Variants in BATF3 observed in about 807,000 individuals in gnomAD.
The protein encoded by BATF3 is basic leucine zipper ATF-like transcription factor 3, also known as basic leucine zipper transcriptional factor ATF-like 3.
In BATF3, 8 loss-of-function variants were observed where a neutral mutation model predicts 16.1. The ratio of observed to expected loss-of-function variants is 0.50; its 90% confidence interval spans 0.29 to 0.90. The LOEUF is 0.90. BATF3 is among the 40% of genes least tolerant of loss of function. The pLI, the probability that BATF3 is intolerant of heterozygous loss-of-function variation, is 0.08. For synonymous variants in BATF3, 74 were observed against 72.7 expected (o/e 1.02, Z -0.09); for missense variants, 139 against 167.0 (o/e 0.83, Z 0.92).
At chr1:212,688,099 A>G (rs1439008593) in intron 2 of BATF3, among the ~76,000 whole-genome samples, 3 of 152,044 alleles carry the variant, frequency 2.0e-5, no homozygotes, top group Non-Finnish European at 4.4e-5. Flanking sequence ...CTTTGTACTG[A>G]TCCAAACACT....
At position 212,687,996 on chromosome 1, in the gene BATF3, A is replaced by AAAGGAAGG. The variant is rs150731119; in HGVS notation, c.196-1025_196-1018dup. 1.2e-3 allele frequency among the ~76,000 whole-genome samples: 121 copies of AAAGGAAGG among 101,326 alleles called. 1 individual carries two copies. In the East Asian group the frequency reaches 0.012, roughly 10 times the overall value. 66.5% of individuals were successfully genotyped at this position (101,326 alleles called of 152,430 possible). A position where few individuals can be genotyped will look rare whatever the true frequency, so the allele number is the denominator to read the frequency against. ...GAAAGAAAGAAAGAAAGAAAGAAAG[A>AAAGGAAGG]AAGGAAGGAAGGAAGGAAGGAAGGA... On this transcript the variant is annotated intron_variant, in intron 2 of 2. Transcript: ENST00000243440.
chr1:212,688,901 G>C (rs901176232), intron 2 of BATF3, among the ~76,000 whole-genome samples: 1 of 152,128 alleles, frequency 6.6e-6, no homozygotes, highest in African/African-American at 2.4e-5. Context: ...AATTTTAAGG[G>C]AGTATCACTA....
chr1:212,691,869 C>T (rs1251075773), intron 2 of BATF3, among the ~76,000 whole-genome samples: 1 of 152,222 alleles, frequency 6.6e-6, no homozygotes, highest in African/African-American at 2.4e-5. Flanking sequence ...TCTCATTTGT[C>T]AGTGTGGACT....
chr1:212,688,065 GA>G (rs66526753), intron 2 of BATF3, among the ~76,000 whole-genome samples: 28,758 of 139,800 alleles, frequency 0.21, 2,982 homozygotes, highest in East Asian at 0.25. Context: ...AGAGAGAAAA[GA>G]AAAAAAAAAA....
At chr1:212,695,599 T>C (rs1449537522) in intron 2 of BATF3, among the ~76,000 whole-genome samples, 1 of 150,266 alleles carries the variant, frequency 6.7e-6, no homozygotes, top group Non-Finnish European at 1.5e-5. Context: ...GCCATGATCA[T>C]GCCATCACAC....
rs553928059 is a variant in BATF3, at chr1:212,698,868, G to A, written c.90+805C>T. On this transcript the variant is annotated intron_variant, in intron 1 of 2. Coordinates refer to ENST00000243440, the MANE Select transcript of BATF3 (RefSeq NM_018664.3). ...TGTTACTATATTCATTTTACAGATGGGGAAATGGACGGTCCGAGAGGTTAA... is the reference window on the plus strand; with the variant it reads ...TGTTACTATATTCATTTTACAGATGAGGAAATGGACGGTCCGAGAGGTTAA... 3.3e-5 allele frequency: 5 copies of A among 152,382 alleles called. No individual in the cohort carries two copies. In the East Asian group the frequency reaches 9.6e-4, roughly 29 times the overall value. 9.4% of individuals were successfully genotyped at this position (152,382 alleles called of 1,614,324 possible).
At chr1:212,693,690 G>T (rs1657057328) in intron 2 of BATF3, among the ~76,000 whole-genome samples, 1 of 152,198 alleles carries the variant, frequency 6.6e-6, no homozygotes, top group Admixed American at 6.5e-5. Context: ...TCCAAGAGAG[G>T]TCAGATAGGG....
chr1:212,698,970 A>G (rs1657193926), intron 1 of BATF3, among the ~76,000 whole-genome samples: 1 of 152,192 alleles, frequency 6.6e-6, no homozygotes, highest in Admixed American at 6.5e-5. Context: ...CACTCCAGCG[A>G]CACCTGATGA....
chr1:212,687,661 C>G (rs555668402), intron 2 of BATF3, among the ~76,000 whole-genome samples: 1 of 152,246 alleles, frequency 6.6e-6, no homozygotes, highest in East Asian at 1.9e-4. Flanking sequence ...CATGGTGACT[C>G]ATGCCTGTAA....
chr1:212,696,646 AC>A (rs1657139854), intron 2 of BATF3, among the ~76,000 whole-genome samples: 1 of 152,192 alleles, frequency 6.6e-6, no homozygotes, highest in African/African-American at 2.4e-5. Flanking sequence ...TTGGAGGGAA[AC>A]AAAACAAAAC....
At chr1:212,695,708 G>A (rs754465727) in intron 2 of BATF3, among the ~76,000 whole-genome samples, 23 of 151,956 alleles carry the variant, frequency 1.5e-4, no homozygotes, top group Non-Finnish European at 2.5e-4. Context: ...CACCAACCCC[G>A]ACAAAGACAA....
Position 212,699,650 on chromosome 1 carries a change from T to A in BATF3, c.90+23A>T, listed in dbSNP as rs1203790003. On this transcript the variant is annotated intron_variant, in intron 1 of 2. Coordinates refer to ENST00000243440, the MANE Select transcript of BATF3 (RefSeq NM_018664.3). This position sits in a 1 kb window ranked among gnomAD's most constrained non-coding sequence, Gnocchi z 4.4. ...CGCCGGTCCCCGCACCCCACGGCCC[T>A]CCCTGAGCCTCTCGCCCTCTACCTG... 3.9e-5 allele frequency: 50 copies of A among 1,297,242 alleles called. No individual in the cohort carries two copies. Among genetic ancestry groups the A allele is most frequent in the Non-Finnish European group, 4.5e-5 (46 of 1,022,732 alleles). 80.4% of individuals were successfully genotyped at this position (1,297,242 alleles called of 1,614,324 possible).
At chr1:212,698,988 C>T (rs959165061) in intron 1 of BATF3, among the ~76,000 whole-genome samples, 1 of 152,144 alleles carries the variant, frequency 6.6e-6, no homozygotes, top group East Asian at 1.9e-4. Flanking sequence ...TGACATGGGC[C>T]GGGCGCTGAA....
At position 212,688,126 on chromosome 1, in the gene BATF3, C is replaced by A. The variant is rs76240098; in HGVS notation, c.196-1147G>T. ...CCAAACACTCTCACTTTCAAATGTA[C>A]CTGTTGGGTTTGGTTCCATTTAATA... On this transcript the variant is annotated intron_variant, in intron 2 of 2. Transcript: ENST00000243440. Among the ~76,000 whole-genome samples, 668 of 151,770 alleles carry A rather than the reference C, an allele frequency of 4.4e-3. 5 individuals are homozygous for A. The highest frequency in any genetic ancestry group is 0.016 in the African/African-American group (642 of 41,392).
Position 212,699,629 on chromosome 1 carries a change from G to C in BATF3, c.90+44C>G, listed in dbSNP as rs1218310128. Reference sequence around the variant, plus strand: ...ACCTCCTCGCCCCCCGCGGCGCGCCGGTCCCCGCACCCCACGGCCCTCCCT... The same window carrying C: ...ACCTCCTCGCCCCCCGCGGCGCGCCCGTCCCCGCACCCCACGGCCCTCCCT... On this transcript the variant is annotated intron_variant, in intron 1 of 2. Coordinates refer to ENST00000243440, the MANE Select transcript of BATF3 (RefSeq NM_018664.3). This position sits in a 1 kb window ranked among gnomAD's most constrained non-coding sequence, Gnocchi z 4.4. The C allele has an allele frequency of 4.0e-6, 5 of 1,251,934 alleles. No homozygotes were observed. The highest frequency in any genetic ancestry group is 4.0e-6 in the Non-Finnish European group (4 of 994,694). 77.6% of individuals were successfully genotyped at this position (1,251,934 alleles called of 1,614,324 possible).
In BATF3 at chr1:212,699,256, AC is replaced by A. The variant is rs57901499; in HGVS notation, c.90+416del. The stretch of plus-strand genomic sequence containing the variant: ...CGGCGTTCTCCATTCCCGCGGCAGC[AC>A]CCCCCCCACCCGGGGGAATCCTGGA... On this transcript the variant is annotated intron_variant, in intron 1 of 2. Coordinates refer to ENST00000243440, the MANE Select transcript of BATF3 (RefSeq NM_018664.3). The surrounding 1 kb of genome is among the most constrained non-coding windows in gnomAD (Gnocchi z 4.4). Among the ~76,000 whole-genome samples, 11 of 151,070 alleles carry A rather than the reference AC, an allele frequency of 7.3e-5. No individual in the cohort carries two copies. Among genetic ancestry groups the A allele is most frequent in the African/African-American group, 1.2e-4 (5 of 41,088 alleles).
Position 212,686,635 on chromosome 1 carries a change from A to G in BATF3, c.*156T>C, listed in dbSNP as rs1177137769. 1.6e-5 allele frequency: 20 copies of G among 1,280,672 alleles called. No individual in the cohort carries two copies. The highest frequency in any genetic ancestry group is 1.0e-6 in the Non-Finnish European group (1 of 961,408). The allele number at this position is 1,280,672 out of a possible 1,614,324, so 79.3% of individuals were successfully genotyped here. On this transcript the variant is annotated 3_prime_UTR_variant, in exon 3 of 3. Coordinates refer to ENST00000243440, the MANE Select transcript of BATF3 (RefSeq NM_018664.3). ...TTGGCGCCTGTTGGATGTCGGGCTG[A>G]GCCCAGTCTGCAGGGAACACAGCTG... is the stretch of plus-strand genomic sequence containing the variant.
At chr1:212,687,033 GTCC>G in intron 2 of BATF3, 54 bp from the exon 3 acceptor site, 2 of 1,175,682 alleles carry the variant, frequency 1.7e-6, no homozygotes, top group Non-Finnish European at 2.6e-6. Context: ...CCCTTCCTCC[GTCC>G]TCCTGTGCCG....
At position 212,689,219 on chromosome 1, in the gene BATF3, G is replaced by A. The variant is rs1392283788; in HGVS notation, c.196-2240C>T. 1.3e-5 allele frequency among the ~76,000 whole-genome samples: 2 copies of A among 152,092 alleles called. No homozygotes were observed. Among genetic ancestry groups the A allele is most frequent in the South Asian group, 2.1e-4 (1 of 4,822 alleles). ...CTCTCCTCTACCCCCTGCCTGATGC[G>A]CCACAGCACCAGCACCTACATGCTC... On this transcript the variant is annotated intron_variant, in intron 2 of 2. Coordinates refer to ENST00000243440, the MANE Select transcript of BATF3 (RefSeq NM_018664.3). The surrounding 1 kb of genome is among the most constrained non-coding windows in gnomAD (Gnocchi z 4.6).
Sources: gnomAD v4.1 joint callset for allele counts (sites outside exome capture counted in the v4.1 genomes callset) on GRCh38, gnomAD v4.1.1 for gene constraint, Gnocchi (gnomAD v3.1) non-coding constraint, MANE v1.5 for transcripts, NCBI Gene and HGNC (gene_info 2026-07-23, HGNC 2026-07-21) for gene names.